CUBN: variants seen among roughly 807,000 people sequenced by gnomAD.
The protein encoded by CUBN is 460 kDa receptor.
A neutral mutation model predicts 405.3 loss-of-function variants in CUBN; 282 were observed. The observed-to-expected ratio is 0.70, with a 90% CI of 0.63 to 0.77. The LOEUF is 0.77. Among genes scored for constraint, CUBN ranks in the 30% least tolerant of loss-of-function variants. The pLI, the probability that CUBN is intolerant of heterozygous loss-of-function variation, is 0.00. For synonymous variants in CUBN, 1,684 were observed against 1,617.0 expected, an observed-to-expected ratio of 1.04 and a Z score of -0.99; for missense variants, 4,514 against 4,475.2, an observed-to-expected ratio of 1.01 and a Z score of -0.25.
chr10:17,040,934 G>T, intron 27 of CUBN, 99 bp downstream of exon 27: 2 of 1,125,020 alleles, frequency 1.8e-6, no homozygotes, highest in Non-Finnish European at 2.7e-6. Flanking sequence ...GCGTGGGGCA[G>T]AGTTAGGGAT....
intron 62 of CUBN, among the ~76,000 whole-genome samples, chr10:16,837,180 A>C (rs1390568211): frequency 6.6e-6 from 1 of 151,496 alleles, no homozygotes; most frequent in Non-Finnish European, 1.5e-5. Context: ...ACTGTCAGTC[A>C]TTCTCGGTAT....
intron 27 of CUBN, among the ~76,000 whole-genome samples, chr10:17,025,205 A>G (rs937065201): frequency 6.6e-6 from 1 of 152,224 alleles, no homozygotes; most frequent in African/African-American, 2.4e-5. Flanking sequence ...TAAAAATTCT[A>G]CTCAATGAAA....
At chr10:16,885,658 C>T (rs1272946626) in intron 56 of CUBN, among the ~76,000 whole-genome samples, 1 of 151,942 alleles carries the variant, frequency 6.6e-6, no homozygotes, top group African/African-American at 2.4e-5. Context: ...GATAACTGAG[C>T]TCAGGGAGCT....
Position 17,041,315 on chromosome 10 carries a change from CTGTG to C in CUBN, c.3830-99_3830-96del. 5 of 981,562 alleles carry C rather than the reference CTGTG, an allele frequency of 5.1e-6. No homozygotes were observed. In the Admixed American group the frequency reaches 8.8e-5, roughly 17 times the overall value. 60.8% of individuals were successfully genotyped at this position (981,562 alleles called of 1,614,324 possible). On this transcript the variant is annotated intron_variant, in intron 26 of 66. Transcript: ENST00000377833. ...TTTAAAAAAAATAAATAAAAATCAT[CTGTG>C]TATGTACACACACACATATATGATG...
At chr10:17,081,023 A>T (rs1835953815) in intron 17 of CUBN, among the ~76,000 whole-genome samples, 1 of 151,286 alleles carries the variant, frequency 6.6e-6, no homozygotes, top group Non-Finnish European at 1.5e-5. Context: ...AAATCTAAGA[A>T]TTAACATGTT....
chr10:16,890,705 A>G lies in CUBN; in HGVS notation c.8599-178T>C, dbSNP rs7087545. 0.077 allele frequency among the ~76,000 whole-genome samples: 11,651 copies of G among 152,244 alleles called. 1,486 individuals are homozygous for G. The highest frequency in any genetic ancestry group is 0.26 in the African/African-American group (10,942 of 41,502). Reference sequence around the variant, plus strand: ...AATAATTTTTTTAAAGCTGTTTTTAAAATAGCATGTCCCATTCTTGACTTC... The same window carrying G: ...AATAATTTTTTTAAAGCTGTTTTTAGAATAGCATGTCCCATTCTTGACTTC... On this transcript the variant is annotated intron_variant, in intron 54 of 66. Coordinates refer to ENST00000377833, the MANE Select transcript of CUBN (RefSeq NM_001081.4).
chr10:17,043,919 G>C lies in CUBN; in HGVS notation c.3737C>G (p.Pro1246Arg), dbSNP rs760382735. The C allele has an allele frequency of 3.7e-6, 6 of 1,613,626 alleles. No homozygotes were observed. The highest frequency in any genetic ancestry group is 4.5e-5 in the East Asian group (2 of 44,872). ...GCTGTCTCCACTAGAACGAATAAGAGGGGGTTTCTCATCCCCACAAAGCTG... is the reference window on the plus strand; with the variant it reads ...GCTGTCTCCACTAGAACGAATAAGACGGGGTTTCTCATCCCCACAAAGCTG... ...LTQLCGDEKP[P>R]LIRSSGDSMF... is the part of the protein sequence containing the mutation. Residue 1246 changes from proline to arginine, a missense_variant, in exon 26 of 67, where the codon CCT becomes CGT. Pro to Arg is a moderately radical substitution (Grantham distance 103). Transcript: ENST00000377833.
chr10:17,028,903 G>C (rs1268741746), intron 27 of CUBN, among the ~76,000 whole-genome samples: 4 of 152,154 alleles, frequency 2.6e-5, no homozygotes, highest in Admixed American at 2.6e-4. Context: ...GATTACCAGT[G>C]TTTAAAATTT....
chr10:16,870,174 T>G (rs1840308983), intron 58 of CUBN, among the ~76,000 whole-genome samples: 1 of 152,220 alleles, frequency 6.6e-6, no homozygotes, highest in Admixed American at 6.5e-5. Context: ...TTTGACAAGT[T>G]GAACTGATAT....
intron 50 of CUBN, among the ~76,000 whole-genome samples, chr10:16,905,631 G>A (rs1372226038): frequency 2.0e-5 from 3 of 152,118 alleles, no homozygotes; most frequent in Admixed American, 6.5e-5. Context: ...GTCACATGCC[G>A]GGAAACGAAG....
intron 40 of CUBN, among the ~76,000 whole-genome samples, chr10:16,928,742 G>A (rs1450805240): frequency 6.6e-6 from 1 of 151,912 alleles, no homozygotes; most frequent in Non-Finnish European, 1.5e-5. Flanking sequence ...TGTTGGCCAG[G>A]CTGGTCTTGA....
In CUBN at chr10:17,078,245, A is replaced by G. The variant is rs111507827; in HGVS notation, c.2301+6026T>C. On this transcript the variant is annotated intron_variant, in intron 17 of 66. Transcript: ENST00000377833. ...CCCTTCAGGGTCTAGCTCCTGCCTA[A>G]CTCATATTTCTCTTTTCCATCCCTG... 4.8e-3 allele frequency among the ~76,000 whole-genome samples: 724 copies of G among 152,202 alleles called. 7 individuals are homozygous for G. Among genetic ancestry groups the G allele is most frequent in the African/African-American group, 0.016 (671 of 41,528 alleles).
At chr10:17,067,015 G>GTAGCT (rs1406228338) in intron 21 of CUBN, among the ~76,000 whole-genome samples, 1 of 152,112 alleles carries the variant, frequency 6.6e-6, no homozygotes, top group Non-Finnish European at 1.5e-5. Context: ...CTGTTTCCAA[G>GTAGCT]TAGCTTAACT....
In CUBN at chr10:16,937,795, A is replaced by G; in HGVS notation, c.5734-11T>C. The G allele has an allele frequency of 6.2e-7, 1 of 1,611,606 alleles. No homozygotes were observed. Among genetic ancestry groups the G allele is most frequent in the Non-Finnish European group, 8.5e-7 (1 of 1,177,802 alleles). ...AGGCCCATCATAGATCTGTACATAA[A>G]AACAGATAATAGAGCATTGTATTAT... On this transcript the variant is annotated splice_polypyrimidine_tract_variant and intron_variant, in intron 38 of 66. Coordinates refer to ENST00000377833, the MANE Select transcript of CUBN (RefSeq NM_001081.4).
intron 64 of CUBN, among the ~76,000 whole-genome samples, chr10:16,832,226 G>A (rs371482331): frequency 1.3e-5 from 2 of 152,208 alleles, no homozygotes; most frequent in South Asian, 2.1e-4. Flanking sequence ...AACGTTACGC[G>A]GGCAATGTAT....
At chr10:16,839,650 C>G (rs1839279958) in intron 62 of CUBN, among the ~76,000 whole-genome samples, 1 of 98,202 alleles carries the variant, frequency 1.0e-5, no homozygotes, top group South Asian at 3.4e-4. Context: ...TTGTGGAAGT[C>G]AGTGTGGTGA....
intron 22 of CUBN, among the ~76,000 whole-genome samples, chr10:17,052,673 T>C (rs1169096309): frequency 6.9e-6 from 1 of 145,144 alleles, no homozygotes; most frequent in East Asian, 2.0e-4. Context: ...GGCACGAGAA[T>C]TGCTGAAACC....
chr10:17,108,536 A>G (rs1189153370), intron 10 of CUBN, among the ~76,000 whole-genome samples: 1 of 152,168 alleles, frequency 6.6e-6, no homozygotes, highest in Non-Finnish European at 1.5e-5. Context: ...CACTTATTTG[A>G]GCAAAAATAC....
At chr10:16,862,487 G>A (rs944852392) in intron 59 of CUBN, among the ~76,000 whole-genome samples, 7 of 152,190 alleles carry the variant, frequency 4.6e-5, no homozygotes, top group South Asian at 2.1e-4. Context: ...TGATTTTCAC[G>A]ATGCCCTGGG....
Sources: allele counts gnomAD v4.1 joint callset (sites outside exome capture counted in the v4.1 genomes callset), GRCh38; gene constraint gnomAD v4.1.1; transcripts MANE v1.5; gene names NCBI Gene and HGNC (gene_info 2026-07-23, HGNC 2026-07-21).